GABRB3: variants seen among roughly 807,000 people sequenced by gnomAD.
GABRB3 encodes the protein gamma-aminobutyric acid receptor subunit beta-3.
In GABRB3, 14 loss-of-function variants were observed where a neutral mutation model predicts 52.1. The observed-to-expected ratio is 0.27, with a 90% CI of 0.18 to 0.42. The LOEUF is 0.42. GABRB3 is among the 10% of genes least tolerant of loss of function. The pLI is 1.00. For synonymous variants in GABRB3, 260 were observed against 232.3 expected, an observed-to-expected ratio of 1.12 and a Z score of -1.08; for missense variants, 307 against 609.1, an observed-to-expected ratio of 0.50 and a Z score of 5.22.
intron 3 of GABRB3, among the ~76,000 whole-genome samples, chr15:26,646,788 C>T (rs1160199990): frequency 2.6e-5 from 4 of 152,124 alleles, no homozygotes; most frequent in Admixed American, 6.6e-5. Context: ...TTGCATTTCC[C>T]TAGCGACTAA....
chr15:26,626,421 A>G (rs543566200), intron 3 of GABRB3, among the ~76,000 whole-genome samples: 1 of 152,312 alleles, frequency 6.6e-6, no homozygotes, highest in African/African-American at 2.4e-5. Flanking sequence ...TGGTAAATGA[A>G]AAACCAGAAA....
At chr15:26,627,838 G>A (rs1003812369) in intron 3 of GABRB3, among the ~76,000 whole-genome samples, 1 of 152,224 alleles carries the variant, frequency 6.6e-6, no homozygotes, top group Non-Finnish European at 1.5e-5. Context: ...GGCAGGGTTT[G>A]AGAGGACTGA....
chr15:26,579,926 G>A (rs906017632), intron 6 of GABRB3, among the ~76,000 whole-genome samples: 1 of 152,158 alleles, frequency 6.6e-6, no homozygotes, highest in Non-Finnish European at 1.5e-5. Context: ...TGGAGCAAAG[G>A]CAGCTTACTC....
intron 4 of GABRB3, among the ~76,000 whole-genome samples, chr15:26,587,859 A>C (rs1426213): frequency 0.99 from 151,015 of 152,258 alleles, 74,895 homozygotes; most frequent in East Asian, 1. Context: ...ATAATTTAAC[A>C]AACATCTAGT....
At chr15:26,739,075 C>T (rs1482348022) in intron 3 of GABRB3, among the ~76,000 whole-genome samples, 1 of 152,054 alleles carries the variant, frequency 6.6e-6, no homozygotes, top group South Asian at 2.1e-4. Flanking sequence ...GAAGGGACAC[C>T]GTGGCCCGCA....
chr15:26,755,770 T>C (rs1024875027), intron 3 of GABRB3, among the ~76,000 whole-genome samples: 2 of 152,222 alleles, frequency 1.3e-5, no homozygotes, highest in Non-Finnish European at 2.9e-5. Context: ...ATTCATACCA[T>C]TTGACTCAGT....
intron 3 of GABRB3, among the ~76,000 whole-genome samples, chr15:26,638,065 T>A (rs961910810): frequency 6.6e-6 from 1 of 152,226 alleles, no homozygotes; most frequent in African/African-American, 2.4e-5. Flanking sequence ...ATGTGCATTA[T>A]AATTTATCTG....
chr15:26,667,706 A>G (rs141370246), intron 3 of GABRB3, among the ~76,000 whole-genome samples: 1 of 152,306 alleles, frequency 6.6e-6, no homozygotes, highest in Non-Finnish European at 1.5e-5. Flanking sequence ...GACCGGCAGT[A>G]TCAGCGTCAC....
At chr15:26,732,299 TGG>T (rs1491562905) in intron 3 of GABRB3, among the ~76,000 whole-genome samples, 2 of 70,278 alleles carry the variant, frequency 2.8e-5, no homozygotes, top group African/African-American at 1.2e-4. Context: ...GATAGATGGA[TGG>T]ATGGATGGAT....
intron 3 of GABRB3, among the ~76,000 whole-genome samples, chr15:26,745,539 C>T (rs8039769): frequency 0.017 from 2,550 of 152,156 alleles, 86 homozygotes; most frequent in African/African-American, 0.058. Flanking sequence ...TTATCATAGG[C>T]GTAGATTCCC....
chr15:26,682,901 T>G, intron 3 of GABRB3, among the ~76,000 whole-genome samples: 1 of 152,206 alleles, frequency 6.6e-6, no homozygotes, highest in East Asian at 1.9e-4. Context: ...CCACTCAGCC[T>G]GGAGCCCAAA....
chr15:26,564,817 T>C lies in GABRB3; in HGVS notation c.835+2764A>G, dbSNP rs1237459519. Among the ~76,000 whole-genome samples the C allele has an allele frequency of 2.6e-5, 4 of 152,180 alleles. No individual in the cohort carries two copies. The East Asian group carries it at 7.7e-4, about 29-fold the overall frequency. ...AGTTCATAATGTTTGGTTAGCTTTT[T>C]TCTTTTCTTAAACAAATCCATGACT... On this transcript the variant is annotated intron_variant, in intron 7 of 8. Coordinates refer to ENST00000311550, the MANE Select transcript of GABRB3 (RefSeq NM_000814.6).
intron 3 of GABRB3, among the ~76,000 whole-genome samples, chr15:26,637,907 T>C (rs927069470): frequency 2.6e-5 from 4 of 152,146 alleles, no homozygotes; most frequent in Non-Finnish European, 4.4e-5. Flanking sequence ...TAGCCTCCTG[T>C]TTCTGCCTAG....
In GABRB3 at chr15:26,546,671, A is replaced by G. The variant is rs1485316774; in HGVS notation, c.*1122T>C. On this transcript the variant is annotated 3_prime_UTR_variant, in exon 9 of 9. Transcript: ENST00000311550. ...TTTTAGCTTCAATCTTAATTTCTAG[A>G]TAACAGAAAGTAGTTACATCACATA... is the stretch of plus-strand genomic sequence containing the variant. The G allele has an allele frequency of 6.6e-6, 1 of 152,616 alleles. No individual in the cohort carries two copies. Among genetic ancestry groups the G allele is most frequent in the Non-Finnish European group, 1.5e-5 (1 of 68,034 alleles). The allele number at this position is 152,616 out of a possible 1,614,324, so 9.5% of individuals were successfully genotyped here. A position where few individuals can be genotyped will look rare whatever the true frequency, so the allele number is the denominator to read the frequency against.
chr15:26,767,708 C>T (rs1195127573), intron 3 of GABRB3, among the ~76,000 whole-genome samples: 1 of 152,144 alleles, frequency 6.6e-6, no homozygotes, highest in African/African-American at 2.4e-5. Flanking sequence ...TCAGCACTCA[C>T]TGAAGGCAAA....
In GABRB3 at chr15:26,615,684, C is replaced by T. The variant is rs1892228078; in HGVS notation, c.461+5630G>A. ...CTACAGCCAAAGGTCTTCATCTAGC[C>T]TAGATAAAGCAAAAGCCCACTGATG... is the stretch of plus-strand genomic sequence containing the variant. On this transcript the variant is annotated intron_variant, in intron 4 of 8. Transcript: ENST00000311550. 6 of 949,268 alleles carry T rather than the reference C, an allele frequency of 6.3e-6. No individual in the cohort carries two copies. In the South Asian group the frequency reaches 9.3e-5, roughly 15 times the overall value. The allele number at this position is 949,268 out of a possible 1,614,324, so 58.8% of individuals were successfully genotyped here.
intron 3 of GABRB3, among the ~76,000 whole-genome samples, chr15:26,736,845 C>A (rs1890077417): frequency 6.6e-6 from 1 of 152,182 alleles, no homozygotes; most frequent in African/African-American, 2.4e-5. Context: ...AGGGAGAGGG[C>A]CAAAGGGGTC....
Position 26,730,349 on chromosome 15 carries a change from C to T in GABRB3, c.240+42053G>A, listed in dbSNP as rs564482724. The stretch of plus-strand genomic sequence containing the variant: ...AGGAGAATGGCGTGAACCCGGGAGG[C>T]GGAGCTTGCAGTGAGCCGAGATCGC... On this transcript the variant is annotated intron_variant, in intron 3 of 8. Transcript: ENST00000311550. Among the ~76,000 whole-genome samples, 36 of 139,020 alleles carry T rather than the reference C, an allele frequency of 2.6e-4. No homozygotes were observed. In the South Asian group the frequency reaches 3.4e-3, roughly 13 times the overall value. 91.2% of individuals were successfully genotyped at this position (139,020 alleles called of 152,430 possible).
chr15:26,750,134 C>T (rs1393199165), intron 3 of GABRB3: 1 of 152,152 alleles, frequency 6.6e-6, no homozygotes, highest in East Asian at 1.9e-4. Flanking sequence ...TTCTAAGCAC[C>T]TCCAACAGAA....
Sources: allele counts gnomAD v4.1 joint callset (sites outside exome capture counted in the v4.1 genomes callset), GRCh38; gene constraint gnomAD v4.1.1; transcripts MANE v1.5; gene names NCBI Gene and HGNC (gene_info 2026-07-23, HGNC 2026-07-21).